The following ARHGAP32 variants were observed in gnomAD, a reference collection of about 807,000 sequenced individuals.
ARHGAP32 encodes rho GTPase-activating protein 32.
ARHGAP32 carries 51 observed loss-of-function variants against 186.5 expected under a neutral mutation model. That is an observed-to-expected ratio of 0.27 (90% CI 0.22 to 0.35). The LOEUF (loss-of-function observed/expected upper bound fraction) is 0.35. ARHGAP32 is among the 10% of genes least tolerant of loss of function. The pLI is 1.00. For synonymous variants in ARHGAP32, 950 were observed against 964.3 expected (o/e 0.99, Z 0.27); for missense variants, 2,186 against 2,623.5 (o/e 0.83, Z 3.64).
intron 1 of ARHGAP32, among the ~76,000 whole-genome samples, chr11:129,174,695 A>C (rs1943867324): frequency 6.6e-6 from 1 of 152,210 alleles, no homozygotes; most frequent in Non-Finnish European, 1.5e-5. Flanking sequence ...GACACCTCAC[A>C]TGGCCGGGTA....
intron 2 of ARHGAP32, among the ~76,000 whole-genome samples, chr11:129,128,817 G>A (rs536301640): frequency 4.5e-4 from 69 of 152,340 alleles, no homozygotes; most frequent in Admixed American, 3.5e-3. Context: ...GCTCCTGACC[G>A]CAAGTGATCT....
In ARHGAP32 at chr11:128,969,631, C is replaced by G. The variant is rs60847789; in HGVS notation, c.5582G>C (p.Ser1861Thr). The G allele has an allele frequency of 0.078, 125,115 of 1,613,988 alleles. 5,307 individuals are homozygous for G. Among genetic ancestry groups the G allele is most frequent in the African/African-American group, 0.13 (9,758 of 74,992 alleles). The change falls in exon 23 of 23, where the codon AGC becomes ACC. Residue 1861 changes from serine to threonine, a missense_variant. Ser to Thr is a moderately conservative substitution (Grantham distance 58, BLOSUM62 1). Around this residue, in one of 5 missense-constraint regions of ARHGAP32, gnomAD observed 1,502 missense variants for 1,570.0 expected, o/e 0.96. Transcript: ENST00000682385. This position sits in a 1 kb window ranked among gnomAD's most constrained non-coding sequence, Gnocchi z 4.8. ...CAGGGATGGCTTCTCCGGCTGCGTG[C>G]TACCATGGCCTCCGTGATGGTGGGC... ...DRAHHHGGHG[S>T]TQPEKPSLPQ...
intron 2 of ARHGAP32, among the ~76,000 whole-genome samples, chr11:129,157,028 C>T (rs1364514061): frequency 3.3e-5 from 5 of 152,138 alleles, no homozygotes; most frequent in Non-Finnish European, 7.4e-5. Flanking sequence ...AAAGGAATAG[C>T]ATCAACATTA....
intron 5 of ARHGAP32, among the ~76,000 whole-genome samples, chr11:129,101,001 T>C (rs1941881895): frequency 6.6e-6 from 1 of 152,140 alleles, no homozygotes; most frequent in South Asian, 2.1e-4. Flanking sequence ...TGGAGTGTAG[T>C]GACCAGCAGT....
At position 128,974,984 on chromosome 11, in the gene ARHGAP32, C is replaced by T. The variant is rs368924459; in HGVS notation, c.2213G>A (p.Arg738Gln). 28 of 1,608,142 alleles carry T rather than the reference C, an allele frequency of 1.7e-5. No homozygotes were observed. Among genetic ancestry groups the T allele is most frequent in the Admixed American group, 8.5e-5 (5 of 59,152 alleles). ...ACTGGAAGATCTGGGTCTTCTGGGT[C>T]GGAAGAGCTTAGAATCACCTGGAAA... ...HAVDGDSKLF[R>Q]PRRPRSSSDA... is the part of the protein sequence containing the mutation. Residue 738 changes from arginine to glutamine, a missense_variant, in exon 21 of 23, where the codon CGA (arginine) becomes CAA (glutamine). Transcript: ENST00000682385.
intron 1 of ARHGAP32, among the ~76,000 whole-genome samples, chr11:129,184,137 A>T (rs180670767): frequency 6.6e-6 from 1 of 152,204 alleles, no homozygotes; most frequent in Admixed American, 6.5e-5. Flanking sequence ...GCTTGCCCCC[A>T]GGGTACTAAC....
chr11:129,227,435 A>G (rs1944800365), intron 1 of ARHGAP32, among the ~76,000 whole-genome samples: 1 of 151,456 alleles, frequency 6.6e-6, no homozygotes, highest in Non-Finnish European at 1.5e-5. Flanking sequence ...TTAAATGTAC[A>G]AAGACTAAAT....
rs183450262 is a variant in ARHGAP32 at position 129,137,808 on chromosome 11, T to C, written c.226-12914A>G. On this transcript the variant is annotated intron_variant, in intron 2 of 22. Coordinates refer to ENST00000682385, the MANE Select transcript of ARHGAP32 (RefSeq NM_001378024.1). The stretch of plus-strand genomic sequence containing the variant: ...CAGATGATGTATTAAATCTTGATTA[T>C]GGCACAGCATATAGTGTTTTATGAT... 1.4e-4 allele frequency among the ~76,000 whole-genome samples: 21 copies of C among 152,158 alleles called. No individual in the cohort carries two copies. The East Asian group carries it at 4.0e-3, about 29-fold the overall frequency.
In ARHGAP32 at chr11:129,123,375, T is replaced by C. The variant is rs2135381030; in HGVS notation, c.444+71A>G. On this transcript the variant is annotated intron_variant, in intron 5 of 22. Coordinates refer to ENST00000682385, the MANE Select transcript of ARHGAP32 (RefSeq NM_001378024.1). This position sits in a 1 kb window ranked among gnomAD's most constrained non-coding sequence, Gnocchi z 4.6. ...GTGTCATCTATTAGATACAGATATA[T>C]AGATAAGCATCTAGATATAAAGGTA... 3.9e-6 allele frequency: 5 copies of C among 1,289,912 alleles called. No homozygotes were observed. Among genetic ancestry groups the C allele is most frequent in the Admixed American group, 1.9e-5 (1 of 52,876 alleles). 79.9% of individuals were successfully genotyped at this position (1,289,912 alleles called of 1,614,324 possible).
intron 11 of ARHGAP32, among the ~76,000 whole-genome samples, chr11:129,027,192 C>G (rs1228613521): frequency 6.6e-6 from 1 of 152,062 alleles, no homozygotes; most frequent in African/African-American, 2.4e-5. Context: ...TATCCAGAAG[C>G]AGATCACTTC....
chr11:129,051,036 C>A (rs913902120), intron 10 of ARHGAP32, among the ~76,000 whole-genome samples: 4 of 152,154 alleles, frequency 2.6e-5, no homozygotes, highest in African/African-American at 9.7e-5. Context: ...TTTATTCAGT[C>A]TATCATTGAT....
chr11:129,191,807 T>C (rs964210018), intron 1 of ARHGAP32, among the ~76,000 whole-genome samples: 2 of 152,088 alleles, frequency 1.3e-5, no homozygotes, highest in African/African-American at 4.8e-5. Context: ...TATGAGTGTC[T>C]ACTTGAAATT....
intron 1 of ARHGAP32, among the ~76,000 whole-genome samples, chr11:129,197,493 T>C (rs1271471012): frequency 3.3e-5 from 5 of 152,214 alleles, no homozygotes; most frequent in African/African-American, 1.2e-4. Flanking sequence ...TCTCCTTAAT[T>C]GGGCACCAAG....
rs746866454 is a variant in ARHGAP32, at chr11:128,974,692, T to C, written c.2505A>G (p.Ser835=). 11 of 1,614,014 alleles carry C rather than the reference T, an allele frequency of 6.8e-6. No individual in the cohort carries two copies. Among genetic ancestry groups the C allele is most frequent in the Admixed American group, 1.7e-5 (1 of 60,004 alleles). Residue 835 remains serine (S), a synonymous_variant, in exon 21 of 23, where the codon TCA becomes TCG. Transcript: ENST00000682385. ...CLESGASFLD[S]PGYSKDKPSA... Reference sequence around the variant, plus strand: ...TTGGTTTATCCTTGGAGTATCCTGGTGAATCTAAAAAGGAAGCACCACTCT... The same window carrying C: ...TTGGTTTATCCTTGGAGTATCCTGGCGAATCTAAAAAGGAAGCACCACTCT...
chr11:129,062,861 TA>T (rs1940557384), intron 9 of ARHGAP32, among the ~76,000 whole-genome samples: 1 of 152,200 alleles, frequency 6.6e-6, no homozygotes, highest in Admixed American at 6.5e-5. Flanking sequence ...TAGGATGGGT[TA>T]TTCTTAGTAA....
At chr11:129,278,073 C>G (rs1270848782) in intron 1 of ARHGAP32, among the ~76,000 whole-genome samples, 1 of 152,142 alleles carries the variant, frequency 6.6e-6, no homozygotes, top group Admixed American at 6.5e-5. Flanking sequence ...TTTCTTCTTC[C>G]AATAGAAATA....
At position 128,991,611 on chromosome 11, in the gene ARHGAP32, G is replaced by A. The variant is rs150238168; in HGVS notation, c.1196-3486C>T. ...CTAACAAACCAGCCAAATGCACAGC[G>A]AATAATGACCCAGTCAAAATATAAC... On this transcript the variant is annotated intron_variant, in intron 12 of 22. Coordinates refer to ENST00000682385, the MANE Select transcript of ARHGAP32 (RefSeq NM_001378024.1). 2.2e-4 allele frequency among the ~76,000 whole-genome samples: 34 copies of A among 152,154 alleles called. 1 individual carries two copies. The East Asian group carries it at 5.8e-3, about 26-fold the overall frequency.
At chr11:129,132,604 A>G (rs549193490) in intron 2 of ARHGAP32, among the ~76,000 whole-genome samples, 140 of 152,362 alleles carry the variant, frequency 9.2e-4, no homozygotes, top group Non-Finnish European at 1.0e-3. Flanking sequence ...TGTCTAATAA[A>G]GCACAAATCA....
chr11:129,112,657 T>C (rs1942258196), intron 5 of ARHGAP32, among the ~76,000 whole-genome samples: 2 of 152,140 alleles, frequency 1.3e-5, no homozygotes, highest in South Asian at 4.1e-4. Flanking sequence ...GGTTCTCCTG[T>C]TACCCTGACA....
Sources: allele counts gnomAD v4.1 joint callset (sites outside exome capture counted in the v4.1 genomes callset), GRCh38; gene constraint gnomAD v4.1.1; regional missense constraint gnomAD v4.1.1; non-coding constraint Gnocchi (gnomAD v3.1); transcripts MANE v1.5; gene names NCBI Gene and HGNC (gene_info 2026-07-23, HGNC 2026-07-21).